Variants in ADAMTSL1 observed in about 807,000 individuals in gnomAD.
ADAMTSL1 encodes ADAMTS like 1, also known as ADAMTS-like protein 1.
Under a neutral mutation model 201.8 loss-of-function variants are expected in ADAMTSL1, and 126 were observed. That is an observed-to-expected ratio of 0.62 (90% CI 0.54 to 0.72). The LOEUF (loss-of-function observed/expected upper bound fraction) is 0.72, where lower values mean the gene tolerates loss of function less well. Among genes scored for constraint, ADAMTSL1 ranks in the 30% least tolerant of loss-of-function variants. The pLI is 0.00. For missense variants in ADAMTSL1, 2,679 were observed against 2,277.8 expected, an observed-to-expected ratio of 1.18 and a Z score of -3.59; for synonymous variants, 1,121 against 903.4, an observed-to-expected ratio of 1.24 and a Z score of -4.32.
At chr9:18,010,585 C>T (rs1047939228) in intron 1 of ADAMTSL1, among the ~76,000 whole-genome samples, 1 of 151,916 alleles carries the variant, frequency 6.6e-6, no homozygotes, top group African/African-American at 2.4e-5. Flanking sequence ...GTGTCAATTC[C>T]ATGGGAAGTT....
At chr9:18,504,289 A>G (rs1471734292) in intron 1 of ADAMTSL1, among the ~76,000 whole-genome samples, 1 of 152,356 alleles carries the variant, frequency 6.6e-6, no homozygotes, top group East Asian at 1.9e-4. Context: ...CTATTTGTCA[A>G]GAGGCAATCC....
intron 1 of ADAMTSL1, among the ~76,000 whole-genome samples, chr9:18,003,017 A>G (rs891511564): frequency 1.3e-5 from 2 of 152,046 alleles, no homozygotes; most frequent in Admixed American, 6.6e-5. Context: ...GTGAGCTAAT[A>G]TTGACCATGA....
Position 18,054,018 on chromosome 9 carries a change from G to A in ADAMTSL1, c.88-109844G>A, listed in dbSNP as rs540706903. ...TTTTTTTTTTCAGAATATTTCAGTA[G>A]CCTGTGCAGTTCTGGTTATAAAAGG... is the stretch of plus-strand genomic sequence containing the variant. On this transcript the variant is annotated intron_variant, in intron 1 of 29. Coordinates refer to the ADAMTSL1 transcript ENST00000680146. Among the ~76,000 whole-genome samples the A allele has an allele frequency of 2.0e-5, 3 of 152,040 alleles. No individual in the cohort carries two copies. The South Asian group carries it at 6.2e-4, about 32-fold the overall frequency.
intron 16 of ADAMTSL1, among the ~76,000 whole-genome samples, chr9:18,762,158 G>T (rs1024719721): frequency 7.9e-5 from 12 of 152,176 alleles, no homozygotes; most frequent in African/African-American, 2.9e-4. Flanking sequence ...AAAGATGAAT[G>T]AATTCCCTTT....
intron 1 of ADAMTSL1, among the ~76,000 whole-genome samples, chr9:18,135,062 A>T (rs769341803): frequency 2.0e-5 from 3 of 152,156 alleles, no homozygotes; most frequent in Non-Finnish European, 4.4e-5. Context: ...TGTTGATAAT[A>T]CCTGGTTTTC....
At chr9:18,445,373 C>T (rs939127015) in intron 2 of ADAMTSL1, among the ~76,000 whole-genome samples, 4 of 152,122 alleles carry the variant, frequency 2.6e-5, no homozygotes, top group African/African-American at 9.6e-5. Flanking sequence ...GAACCTTGAA[C>T]TTGATAAGAC....
chr9:18,162,538 A>C (rs1827439399), intron 1 of ADAMTSL1, among the ~76,000 whole-genome samples: 1 of 151,986 alleles, frequency 6.6e-6, no homozygotes, highest in South Asian at 2.1e-4. Flanking sequence ...AAGTTTAATT[A>C]AGACCTTTTT....
intron 3 of ADAMTSL1, among the ~76,000 whole-genome samples, chr9:18,549,543 G>T (rs935268120): frequency 3.3e-5 from 5 of 152,006 alleles, no homozygotes; most frequent in Admixed American, 6.6e-5. Context: ...GGGTATGAGA[G>T]TGTGTATATG....
intron 1 of ADAMTSL1, among the ~76,000 whole-genome samples, chr9:17,983,670 A>G (rs987141952): frequency 6.6e-6 from 1 of 152,226 alleles, no homozygotes. Context: ...ATGGAAATAC[A>G]TAAGGTGATT....
At chr9:18,667,547 G>A (rs1034882492) in intron 9 of ADAMTSL1, among the ~76,000 whole-genome samples, 3 of 152,070 alleles carry the variant, frequency 2.0e-5, no homozygotes, top group Admixed American at 1.3e-4. Flanking sequence ...TTCATCCTAC[G>A]AAGTGAGGAT....
At chr9:18,262,743 G>T (rs189477543) in intron 2 of ADAMTSL1, among the ~76,000 whole-genome samples, 1 of 152,152 alleles carries the variant, frequency 6.6e-6, no homozygotes, top group African/African-American at 2.4e-5. Context: ...AAAGTTCATC[G>T]GGGTATGTGT....
intron 2 of ADAMTSL1, among the ~76,000 whole-genome samples, chr9:18,196,345 C>T (rs1334510710): frequency 6.6e-6 from 1 of 151,896 alleles, no homozygotes; most frequent in Non-Finnish European, 1.5e-5. Flanking sequence ...CTTACCTCAT[C>T]GTAAAAGAGG....
intron 10 of ADAMTSL1, 112 bp downstream of exon 10, chr9:18,676,019 A>T (rs1830112800): frequency 9.7e-7 from 1 of 1,032,040 alleles, no homozygotes; most frequent in East Asian, 2.6e-5. Flanking sequence ...TGTTTTTAAG[A>T]TGGTAGATGG....
At chr9:18,261,608 C>A (rs957971547) in intron 2 of ADAMTSL1, among the ~76,000 whole-genome samples, 1 of 152,126 alleles carries the variant, frequency 6.6e-6, no homozygotes, top group African/African-American at 2.4e-5. Flanking sequence ...ATATTCCAAC[C>A]TTTGACAGTT....
At chr9:18,221,544 T>G (rs1339030268) in intron 2 of ADAMTSL1, among the ~76,000 whole-genome samples, 1 of 152,132 alleles carries the variant, frequency 6.6e-6, no homozygotes, top group East Asian at 1.9e-4. Context: ...TTATTTTACT[T>G]TTTTTGAATG....
intron 16 of ADAMTSL1, among the ~76,000 whole-genome samples, chr9:18,763,063 C>CT (rs1820164274): frequency 6.6e-6 from 1 of 152,080 alleles, no homozygotes; most frequent in Non-Finnish European, 1.5e-5. Flanking sequence ...TCAATTTTTA[C>CT]TTTTTTAAGG....
chr9:18,685,880 A>G (rs1564150171), intron 13 of ADAMTSL1, among the ~76,000 whole-genome samples: 3 of 152,274 alleles, frequency 2.0e-5, no homozygotes, highest in East Asian at 3.9e-4. Flanking sequence ...TTGATTTCAC[A>G]TACACCAAAA....
In ADAMTSL1 at chr9:18,777,326, G is replaced by A. The variant is rs370414766; in HGVS notation, c.3097G>A (p.Gly1033Ser). 18 of 1,601,018 alleles carry A rather than the reference G, an allele frequency of 1.1e-5. No individual in the cohort carries two copies. The highest frequency in any genetic ancestry group is 7.8e-5 in the South Asian group (7 of 89,478). ...CGTCTCCCGGCTGCTGGAGCAGGGC[G>A]GCTGGCCCGGAGAGCTGCTGGCCTC... ...DLVSRLLEQGGWPGELLASWE... is the reference protein window; with the variant it reads ...DLVSRLLEQGSWPGELLASWE... Residue 1033 changes from glycine (G) to serine (S), a missense_variant, in exon 19 of 29, where the codon GGC (glycine) becomes AGC (serine). Coordinates refer to ENST00000380548, the MANE Select transcript of ADAMTSL1 (RefSeq NM_001040272.6).
chr9:18,684,617 C>A, intron 12 of ADAMTSL1, 99 bp from the exon 13 acceptor site: 1 of 1,328,170 alleles, frequency 7.5e-7, no homozygotes, highest in South Asian at 1.7e-5. Context: ...TCGTGTTGGT[C>A]AACGTAGTAA....
Sources: allele counts gnomAD v4.1 joint callset (sites outside exome capture counted in the v4.1 genomes callset), GRCh38; gene constraint gnomAD v4.1.1; transcripts MANE v1.5; gene names NCBI Gene and HGNC (gene_info 2026-07-23, HGNC 2026-07-21).